The following TTC28 variants were observed in gnomAD, a reference collection of about 807,000 sequenced individuals.
The protein encoded by TTC28 is tetratricopeptide repeat protein 28.
TTC28 carries 61 observed loss-of-function variants against 198.0 expected under a neutral mutation model. The ratio of observed to expected loss-of-function variants is 0.31; its 90% CI spans 0.25 to 0.38. The LOEUF is 0.38. Ranked by LOEUF, TTC28 falls within the 10% of genes least tolerant of loss-of-function variation. The probability of loss-of-function intolerance (pLI) is 1.00; values close to 1 mark genes in which losing one functional copy is unlikely to be tolerated. For synonymous variants in TTC28, 1,171 were observed against 1,297.8 expected, an observed-to-expected ratio of 0.90 and a Z score of 2.10; for missense variants, 2,678 against 3,164.0, an observed-to-expected ratio of 0.85 and a Z score of 3.69.
chr22:28,334,313 T>C (rs1181467522), intron 2 of TTC28, among the ~76,000 whole-genome samples: 3 of 151,996 alleles, frequency 2.0e-5, no homozygotes, highest in Non-Finnish European at 2.9e-5. Context: ...AATAAACATA[T>C]GTGTGCATGT....
Position 28,148,607 on chromosome 22 carries a change from T to C in TTC28, c.1441+14485A>G, listed in dbSNP as rs562632313. Among the ~76,000 whole-genome samples the C allele has an allele frequency of 1.7e-4, 25 of 146,138 alleles. No individual in the cohort carries two copies. The East Asian group carries it at 4.8e-3, about 28-fold the overall frequency. ...CAGCCTGGGCGACAGAATGAGACTC[T>C]GTCTCAAAAAAAAAAAAAAAAAATC... On this transcript the variant is annotated intron_variant, in intron 6 of 22. Coordinates refer to ENST00000397906, the MANE Select transcript of TTC28 (RefSeq NM_001145418.2).
intron 12 of TTC28, among the ~76,000 whole-genome samples, chr22:28,084,091 C>A (rs1941468844): frequency 6.6e-6 from 1 of 152,220 alleles, no homozygotes; most frequent in Admixed American, 6.5e-5. Flanking sequence ...GGGGGCAGGG[C>A]ACAGACAAAC....
chr22:28,132,731 C>T (rs1047007462), intron 6 of TTC28, among the ~76,000 whole-genome samples: 10 of 152,258 alleles, frequency 6.6e-5, no homozygotes, highest in Admixed American at 2.0e-4. Context: ...TCAGCAAATA[C>T]GACTGTACCA....
At chr22:27,988,281 CTT>C (rs138641) in intron 21 of TTC28, among the ~76,000 whole-genome samples, 6 of 99,462 alleles carry the variant, frequency 6.0e-5, no homozygotes, top group Admixed American at 1.0e-4. Flanking sequence ...AAGAAGCTTG[CTT>C]TTTTTTTTTT....
Position 28,199,525 on chromosome 22 carries a change from C to T in TTC28, c.934-35926G>A, listed in dbSNP as rs1326126954. ...TCTGTCTCTTCAAAAAAAGAAATAC[C>T]TATACATATATATATATATATATAC... On this transcript the variant is annotated intron_variant, in intron 5 of 22. Transcript: ENST00000397906. Among the ~76,000 whole-genome samples, 2 of 48,578 alleles carry T rather than the reference C, an allele frequency of 4.1e-5. 1 individual carries two copies. Among genetic ancestry groups the T allele is most frequent in the East Asian group, 9.3e-4 (2 of 2,146 alleles). The allele number at this position is 48,578 out of a possible 152,430, so 31.9% of individuals were successfully genotyped here. A position where few individuals can be genotyped will look rare whatever the true frequency, so the allele number is the denominator to read the frequency against.
At chr22:28,130,388 T>C (rs1471452007) in intron 6 of TTC28, among the ~76,000 whole-genome samples, 2 of 152,190 alleles carry the variant, frequency 1.3e-5, no homozygotes, top group East Asian at 3.9e-4. Flanking sequence ...AACTGCCACT[T>C]TGATGCTTCA....
intron 2 of TTC28, among the ~76,000 whole-genome samples, chr22:28,603,494 C>A (rs1352723048): frequency 6.6e-6 from 1 of 151,822 alleles, no homozygotes; most frequent in African/African-American, 2.4e-5. Context: ...CTCAAATGAT[C>A]CTCTTGCCTC....
chr22:28,413,174 G>A (rs1601362112), intron 2 of TTC28, among the ~76,000 whole-genome samples: 1 of 152,096 alleles, frequency 6.6e-6, no homozygotes. Context: ...GGTGCCTCAC[G>A]CCTGTAATTC....
At chr22:28,056,534 T>G (rs1010594890) in intron 12 of TTC28, 1 of 152,220 alleles carries the variant, frequency 6.6e-6, no homozygotes, top group African/African-American at 2.4e-5. Context: ...TGTGTTTGGA[T>G]GTAATTCAAT....
At position 27,993,198 on chromosome 22, in the gene TTC28, C is replaced by T. The variant is rs1937478023; in HGVS notation, c.5476+89G>A. The T allele has an allele frequency of 1.1e-5, 13 of 1,212,660 alleles. No homozygotes were observed. The South Asian group carries it at 1.6e-4, about 15-fold the overall frequency. 75.1% of individuals were successfully genotyped at this position (1,212,660 alleles called of 1,614,324 possible). A position where few individuals can be genotyped will look rare whatever the true frequency, so the allele number is the denominator to read the frequency against. ...TCCTGCTCCTAGCTGGGAGATCCAGCATCCTCATGAATGCGGGGCCCAAGG... is the reference window on the plus strand; with the variant it reads ...TCCTGCTCCTAGCTGGGAGATCCAGTATCCTCATGAATGCGGGGCCCAAGG... On this transcript the variant is annotated intron_variant, in intron 18 of 22. Transcript: ENST00000397906.
chr22:28,604,886 T>C (rs893718170), intron 2 of TTC28, among the ~76,000 whole-genome samples: 1 of 152,220 alleles, frequency 6.6e-6, no homozygotes, highest in Admixed American at 6.5e-5. Context: ...TTTTAATCAA[T>C]GTCACTGTCA....
chr22:28,392,870 CT>C (rs1245558034), intron 2 of TTC28, among the ~76,000 whole-genome samples: 25 of 80,686 alleles, frequency 3.1e-4, no homozygotes, highest in African/African-American at 1.0e-3. Context: ...TTCCTCCCTC[CT>C]TTTTTTTTTT....
chr22:28,377,456 C>T (rs2046429736), intron 2 of TTC28, among the ~76,000 whole-genome samples: 1 of 151,640 alleles, frequency 6.6e-6, no homozygotes, highest in Non-Finnish European at 1.5e-5. Flanking sequence ...ATCTTTGTCT[C>T]TATTTTCCAG....
chr22:28,219,696 C>A (rs569634039), intron 5 of TTC28, among the ~76,000 whole-genome samples: 1 of 151,976 alleles, frequency 6.6e-6, no homozygotes, highest in Non-Finnish European at 1.5e-5. Flanking sequence ...AAATGACTGA[C>A]GATCAAAAGA....
At chr22:28,225,722 G>A in intron 5 of TTC28, among the ~76,000 whole-genome samples, 1 of 152,188 alleles carries the variant, frequency 6.6e-6, no homozygotes, top group East Asian at 1.9e-4. Flanking sequence ...AGGCAACATA[G>A]TGAACATATC....
intron 14 of TTC28, among the ~76,000 whole-genome samples, chr22:28,013,063 A>G (rs1938222566): frequency 6.6e-6 from 1 of 152,208 alleles, no homozygotes; most frequent in South Asian, 2.1e-4. Flanking sequence ...CTCCTGACAA[A>G]TATTAGGCAA....
At position 28,072,737 on chromosome 22, in the gene TTC28, G is replaced by A. The variant is rs149793824; in HGVS notation, c.3932+21343C>T. On this transcript the variant is annotated intron_variant, in intron 12 of 22. Coordinates refer to ENST00000397906, the MANE Select transcript of TTC28 (RefSeq NM_001145418.2). ...GATCCCATGCTATCAGAAGAAGAAAGTAATTGCAAGCTTACTAGAATGTGC... is the reference window on the plus strand; with the variant it reads ...GATCCCATGCTATCAGAAGAAGAAAATAATTGCAAGCTTACTAGAATGTGC... Among the ~76,000 whole-genome samples, 47 of 152,344 alleles carry A rather than the reference G, an allele frequency of 3.1e-4. No homozygotes were observed. In the East Asian group the frequency reaches 8.7e-3, roughly 28 times the overall value.
intron 5 of TTC28, among the ~76,000 whole-genome samples, chr22:28,213,799 CA>C (rs1367173242): frequency 2.6e-5 from 4 of 151,858 alleles, no homozygotes; most frequent in African/African-American, 7.3e-5. Context: ...CATATGGAAC[CA>C]AAAAAGAGCC....
Position 28,098,927 on chromosome 22 carries a change from G to A in TTC28, c.3535C>T (p.Leu1179Phe), listed in dbSNP as rs1942054269. ...CAGCTGTTCTCACCTAGGCTGACGA[G>A]CACCCGCTGCAAGGCCTGGTAGGAT... ...TSSYQALQRV[L>F]VSLGHHDEAL... Residue 1179 changes from leucine to phenylalanine, a missense_variant, in exon 10 of 23, where the codon CTC becomes TTC. By Grantham distance (22) the Leu-to-Phe change is conservative. Coordinates refer to ENST00000397906, the MANE Select transcript of TTC28 (RefSeq NM_001145418.2). 1.3e-6 allele frequency: 2 copies of A among 1,551,706 alleles called. No homozygotes were observed. The highest frequency in any genetic ancestry group is 3.9e-5 in the Admixed American group (2 of 51,014).
Sources: gnomAD v4.1 joint callset for allele counts (sites outside exome capture counted in the v4.1 genomes callset) on GRCh38, gnomAD v4.1.1 for gene constraint, MANE v1.5 for transcripts, NCBI Gene and HGNC (gene_info 2026-07-23, HGNC 2026-07-21) for gene names.